Variants in KCNA7 observed in about 807,000 individuals in gnomAD.
The protein encoded by KCNA7 is potassium voltage-gated channel subfamily A member 7, also known as potassium channel, voltage gated shaker related subfamily A, member 7.
In KCNA7, 15 loss-of-function variants were observed where a neutral mutation model predicts 21.5. The ratio of observed to expected loss-of-function variants is 0.70; its 90% CI spans 0.47 to 1.07. The LOEUF (loss-of-function observed/expected upper bound fraction) is 1.07, where lower values mean the gene tolerates loss of function less well. Among genes scored for constraint, KCNA7 ranks in the 50% least tolerant of loss-of-function variants. The pLI is 0.00. For missense variants in KCNA7, 640 were observed against 651.6 expected (o/e 0.98, Z 0.19); for synonymous variants, 298 against 291.0 (o/e 1.02, Z -0.24).
chr19:49,071,543 A>G (rs1311687048), intron 1 of KCNA7, among the ~76,000 whole-genome samples: 1 of 151,114 alleles, frequency 6.6e-6, no homozygotes, highest in African/African-American at 2.4e-5. Context: ...GCGACAGAGC[A>G]AGACTCTGTC....
rs558047571 is a variant in KCNA7 at position 49,070,522 on chromosome 19, C to T, written c.912G>A (p.Thr304=). The T allele has an allele frequency of 3.4e-5, 55 of 1,614,142 alleles. No homozygotes were observed. The highest frequency in any genetic ancestry group is 4.3e-5 in the Non-Finnish European group (51 of 1,180,030). The stretch of plus-strand genomic sequence containing the variant: ...CCAGCTCACGCATGGAGGCCCGAAG[C>T]GTCTGGCCCAAGATTTGCAGGCCCT... ...HSKGLQILGQ[T]LRASMRELGL... The change falls in exon 2 of 2, where the codon ACG becomes ACA. Residue 304 remains threonine (T), a synonymous_variant. Coordinates refer to ENST00000221444, the MANE Select transcript of KCNA7 (RefSeq NM_031886.3). This position sits in a 1 kb window ranked among gnomAD's most constrained non-coding sequence, Gnocchi z 4.3.
At position 49,069,894 on chromosome 19, in the gene KCNA7, C is replaced by G; in HGVS notation, c.*169G>C. On this transcript the variant is annotated 3_prime_UTR_variant, in exon 2 of 2. Coordinates refer to ENST00000221444, the MANE Select transcript of KCNA7 (RefSeq NM_031886.3). ...CTGCTTCAGGAGGTACCCACAGGAGCTACCAAACCACACAACCCAAGACCC... is the reference window on the plus strand; with the variant it reads ...CTGCTTCAGGAGGTACCCACAGGAGGTACCAAACCACACAACCCAAGACCC... The G allele has an allele frequency of 5.0e-6, 3 of 601,554 alleles. No individual in the cohort carries two copies. Among genetic ancestry groups the G allele is most frequent in the Admixed American group, 3.1e-5 (1 of 32,674 alleles). 37.3% of individuals were successfully genotyped at this position (601,554 alleles called of 1,614,324 possible). A position where few individuals can be genotyped will look rare whatever the true frequency, so the allele number is the denominator to read the frequency against.
intron 1 of KCNA7, 40 bp downstream of exon 1, chr19:49,071,991 C>T: frequency 6.6e-7 from 1 of 1,504,804 alleles, no homozygotes; most frequent in Non-Finnish European, 9.0e-7. Context: ...CCCATCTCCT[C>T]CCAAACCCCG....
chr19:49,071,491 C>A (rs1233444156), intron 1 of KCNA7, among the ~76,000 whole-genome samples: 2 of 151,828 alleles, frequency 1.3e-5, no homozygotes, highest in Non-Finnish European at 2.9e-5. Context: ...GGGAGGCAGA[C>A]CTTGCAGTGA....
In KCNA7 at chr19:49,072,051, C is replaced by T. The variant is rs767405906; in HGVS notation, c.535G>A (p.Ala179Thr). Residue 179 changes from alanine to threonine, a missense_variant, in exon 1 of 2, where the codon GCT becomes ACT. Ala to Thr is a moderately conservative substitution (Grantham distance 58). Coordinates refer to ENST00000221444, the MANE Select transcript of KCNA7 (RefSeq NM_031886.3). Reference protein sequence around the residue: ...RDDRDGTGLAAAAAAGPFPAP... With the variant: ...RDDRDGTGLATAAAAGPFPAP... ...CTCACCGGGCCGGCTGCGGCTGCAGCAGCAAGCCCCGTGCCGTCGCGGTCG... is the reference window on the plus strand; with the variant it reads ...CTCACCGGGCCGGCTGCGGCTGCAGTAGCAAGCCCCGTGCCGTCGCGGTCG... The T allele has an allele frequency of 1.9e-6, 3 of 1,605,800 alleles. No individual in the cohort carries two copies. The highest frequency in any genetic ancestry group is 1.1e-5 in the South Asian group (1 of 90,542).
In KCNA7 at chr19:49,070,892, A is replaced by G; in HGVS notation, c.556-14T>C. The G allele has an allele frequency of 1.9e-6, 3 of 1,604,356 alleles. No homozygotes were observed. Among genetic ancestry groups the G allele is most frequent in the East Asian group, 2.2e-5 (1 of 44,780 alleles). ...CGGAGCGGGGAACTGCAGGGAGGAA[A>G]GTGTTCAGGGAGGGTCAGGCTGGGG... On this transcript the variant is annotated splice_polypyrimidine_tract_variant and intron_variant, in intron 1 of 1. Transcript: ENST00000221444. The surrounding 1 kb of genome is among the most constrained non-coding windows in gnomAD (Gnocchi z 4.3).
chr19:49,072,064 G>A lies in KCNA7; in HGVS notation c.522C>T (p.Gly174=). The change falls in exon 1 of 2, where the codon GGC becomes GGT. Residue 174 remains glycine (G), a synonymous_variant. Transcript: ENST00000221444. The part of the protein sequence containing the change: ...TLPDFRDDRD[G]TGLAAAAAAG... ...CTGCGGCTGCAGCAGCAAGCCCCGT[G>A]CCGTCGCGGTCGTCGCGGAAGTCAG... 1 of 1,609,116 alleles carries A rather than the reference G, an allele frequency of 6.2e-7. No individual in the cohort carries two copies. The highest frequency in any genetic ancestry group is 8.5e-7 in the Non-Finnish European group (1 of 1,178,604).
At position 49,070,132 on chromosome 19, in the gene KCNA7, G is replaced by A. The variant is rs145070146; in HGVS notation, c.1302C>T (p.Asp434=). The change falls in exon 2 of 2, where the codon GAC becomes GAT. Residue 434 remains aspartate, a synonymous_variant. Coordinates refer to ENST00000221444, the MANE Select transcript of KCNA7 (RefSeq NM_031886.3). This position sits in a 1 kb window ranked among gnomAD's most constrained non-coding sequence, Gnocchi z 4.3. ...LEGKANGGLV[D]GEVPELPPPL... Reference sequence around the variant, plus strand: ...GAGGTGGTAGCTCAGGTACCTCCCCGTCCACCAGCCCCCCATTGGCCTTGC... The same window carrying A: ...GAGGTGGTAGCTCAGGTACCTCCCCATCCACCAGCCCCCCATTGGCCTTGC... 61 of 1,613,330 alleles carry A rather than the reference G, an allele frequency of 3.8e-5. No individual in the cohort carries two copies. The highest frequency in any genetic ancestry group is 1.6e-4 in the Middle Eastern group (1 of 6,084).
rs1433595013 is a variant in KCNA7 at position 49,072,271 on chromosome 19, G to A, written c.315C>T (p.Arg105=). Residue 105 remains arginine (R), a synonymous_variant, in exon 1 of 2, where the codon CGC becomes CGT. Coordinates refer to ENST00000221444, the MANE Select transcript of KCNA7 (RefSeq NM_031886.3). ...FYGLGAAALA[R]LREDEGCPVP... ...CCGGGCAGCCCTCGTCCTCGCGCAG[G>A]CGTGCCAGGGCCGCCGCGCCCAGCC... 1.3e-6 allele frequency: 2 copies of A among 1,579,744 alleles called. No individual in the cohort carries two copies. The highest frequency in any genetic ancestry group is 3.6e-5 in the Admixed American group (2 of 56,272).
rs775481566 is a variant in KCNA7 at position 49,070,758 on chromosome 19, C to T, written c.676G>A (p.Val226Ile). The T allele has an allele frequency of 6.2e-7, 1 of 1,614,150 alleles. No homozygotes were observed. The highest frequency in any genetic ancestry group is 2.2e-5 in the East Asian group (1 of 44,880). The change falls in exon 2 of 2, where the codon GTA (valine) becomes ATA (isoleucine). Residue 226 changes from valine (V) to isoleucine (I), a missense_variant. By Grantham distance (29) the Val-to-Ile change is conservative (BLOSUM62 3). Transcript: ENST00000221444. This position sits in a 1 kb window ranked among gnomAD's most constrained non-coding sequence, Gnocchi z 4.3. ...TTGCTTGGACAGACCAGGAGGCGTACCAGCAGCTCAAAGGAGAACCAACAA... is the reference window on the plus strand; with the variant it reads ...TTGCTTGGACAGACCAGGAGGCGTATCAGCAGCTCAAAGGAGAACCAACAA... ...CICWFSFELL[V>I]RLLVCPSKAI...
chr19:49,071,563 A>G (rs1218976805), intron 1 of KCNA7, among the ~76,000 whole-genome samples: 1 of 145,602 alleles, frequency 6.9e-6, no homozygotes, highest in Admixed American at 6.9e-5. Context: ...CTCACAGGAA[A>G]TAAAAAAAAA....
rs767086504 is a variant in KCNA7, at chr19:49,072,114, C to T, written c.472G>A (p.Val158Ile). 1 of 1,612,364 alleles carries T rather than the reference C, an allele frequency of 6.2e-7. No homozygotes were observed. Among genetic ancestry groups the T allele is most frequent in the Non-Finnish European group, 8.5e-7 (1 of 1,179,686 alleles). ...GGCAGCGTCTCGAGGCAGAAGACGA[C>T]GATGGAGACGAGGATGACCAGCACG... ...VSVLVILVSIVVFCLETLPDF... is the reference protein window; with the variant it reads ...VSVLVILVSIIVFCLETLPDF... Residue 158 changes from valine (V) to isoleucine (I), a missense_variant, in exon 1 of 2, where the codon GTC becomes ATC. Coordinates refer to ENST00000221444, the MANE Select transcript of KCNA7 (RefSeq NM_031886.3).
rs2122255867 is a variant in KCNA7 at position 49,070,831 on chromosome 19, G to A, written c.603C>T (p.Pro201=). 1 of 1,614,154 alleles carries A rather than the reference G, an allele frequency of 6.2e-7. No individual in the cohort carries two copies. Among genetic ancestry groups the A allele is most frequent in the South Asian group, 1.1e-5 (1 of 91,070 alleles). Residue 201 remains proline, a synonymous_variant, in exon 2 of 2, where the codon CCC becomes CCT. Coordinates refer to ENST00000221444, the MANE Select transcript of KCNA7 (RefSeq NM_031886.3). This position sits in a 1 kb window ranked among gnomAD's most constrained non-coding sequence, Gnocchi z 4.3. ...AGAACGGGTCATTGAAGGGCAGGCG[G>A]GGTGGATTTCCAGGCATTTGGCTGG... is the stretch of plus-strand genomic sequence containing the variant. ...NGSSQMPGNP[P]RLPFNDPFFV...
In KCNA7 at chr19:49,070,712, A is replaced by C; in HGVS notation, c.722T>G (p.Val241Gly). Residue 241 changes from valine to glycine, a missense_variant, in exon 2 of 2, where the codon GTG becomes GGG. By Grantham distance (109) the Val-to-Gly change is moderately radical. Transcript: ENST00000221444. The surrounding 1 kb of genome is among the most constrained non-coding windows in gnomAD (Gnocchi z 4.3). Reference sequence around the variant, plus strand: ...AGCCACAAAATCGATGAGGTTCATCACGTTCTTGAAGAAGATAGCCTTGCT... The same window carrying C: ...AGCCACAAAATCGATGAGGTTCATCCCGTTCTTGAAGAAGATAGCCTTGCT... The part of the protein sequence containing the change: ...CPSKAIFFKN[V>G]MNLIDFVAIL... 1 of 1,614,224 alleles carries C rather than the reference A, an allele frequency of 6.2e-7. No homozygotes were observed. Among genetic ancestry groups the C allele is most frequent in the Non-Finnish European group, 8.5e-7 (1 of 1,180,048 alleles).
rs1016675685 is a variant in KCNA7 at position 49,072,226 on chromosome 19, C to G, written c.360G>C (p.Leu120=). Residue 120 remains leucine (L), a synonymous_variant, in exon 1 of 2, where the codon CTG becomes CTC. Coordinates refer to ENST00000221444, the MANE Select transcript of KCNA7 (RefSeq NM_031886.3). The part of the protein sequence containing the change: ...EGCPVPPERP[L]PRRAFARQLW... ...GCTGGCGGGCGAAGGCGCGGCGGGG[C>G]AGGGGGCGCTCGGGCGGCACCGGGC... 2 of 1,601,632 alleles carry G rather than the reference C, an allele frequency of 1.2e-6. No individual in the cohort carries two copies. Among genetic ancestry groups the G allele is most frequent in the South Asian group, 2.2e-5 (2 of 89,992 alleles).
In KCNA7 at chr19:49,072,686, C is replaced by T. The variant is rs1454403751; in HGVS notation, c.-101G>A. ...CGCCTCGGCCGCCGCCGCCGCCGCC[C>T]CAGCCCGGTGTCCGGTGTCCGGTGT... On this transcript the variant is annotated 5_prime_UTR_variant, in exon 1 of 2. Coordinates refer to ENST00000221444, the MANE Select transcript of KCNA7 (RefSeq NM_031886.3). 1 of 837,290 alleles carries T rather than the reference C, an allele frequency of 1.2e-6. No homozygotes were observed. The highest frequency in any genetic ancestry group is 1.4e-6 in the Non-Finnish European group (1 of 697,968). 51.9% of individuals were successfully genotyped at this position (837,290 alleles called of 1,614,324 possible). A position where few individuals can be genotyped will look rare whatever the true frequency, so the allele number is the denominator to read the frequency against.
rs1232371843 is a variant in KCNA7, at chr19:49,072,164, G to T, written c.422C>A (p.Ala141Asp). Residue 141 changes from alanine (A) to aspartate (D), a missense_variant, in exon 1 of 2, where the codon GCC becomes GAC. Coordinates refer to ENST00000221444, the MANE Select transcript of KCNA7 (RefSeq NM_031886.3). ...LLFEFPESSQ[A>D]ARVLAVVSVL... The stretch of plus-strand genomic sequence containing the variant: ...GGAGACTACGGCGAGCACGCGCGCG[G>T]CCTGAGAGCTCTCGGGAAACTCGAA... 1.9e-6 allele frequency: 3 copies of T among 1,612,120 alleles called. No homozygotes were observed. Among genetic ancestry groups the T allele is most frequent in the South Asian group, 1.1e-5 (1 of 91,080 alleles).
rs534650525 is a variant in KCNA7 at position 49,072,049 on chromosome 19, A to G, written c.537T>C (p.Ala179=). ...RDDRDGTGLA[A]AAAAGPFPAP... The stretch of plus-strand genomic sequence containing the variant: ...CTCTCACCGGGCCGGCTGCGGCTGC[A>G]GCAGCAAGCCCCGTGCCGTCGCGGT... The change falls in exon 1 of 2, where the codon GCT becomes GCC. Residue 179 remains alanine, a synonymous_variant. Transcript: ENST00000221444. 3 of 1,605,552 alleles carry G rather than the reference A, an allele frequency of 1.9e-6. No individual in the cohort carries two copies. Among genetic ancestry groups the G allele is most frequent in the Non-Finnish European group, 1.7e-6 (2 of 1,177,164 alleles).
rs371776324 is a variant in KCNA7 at position 49,070,420 on chromosome 19, C to T, written c.1014G>A (p.Val338=). Residue 338 remains valine, a synonymous_variant, in exon 2 of 2, where the codon GTG becomes GTA. Coordinates refer to ENST00000221444, the MANE Select transcript of KCNA7 (RefSeq NM_031886.3). This position sits in a 1 kb window ranked among gnomAD's most constrained non-coding sequence, Gnocchi z 4.3. ...CAGGGATGCTAGTGAAATGGGAGTCCACCCGGTCAACTTCGGCAAAGTAGA... is the reference window on the plus strand; with the variant it reads ...CAGGGATGCTAGTGAAATGGGAGTCTACCCGGTCAACTTCGGCAAAGTAGA... The part of the protein sequence containing the change: ...SAVYFAEVDR[V]DSHFTSIPES... 3.1e-6 allele frequency: 5 copies of T among 1,614,002 alleles called. No individual in the cohort carries two copies. In the African/African-American group the frequency reaches 6.7e-5, roughly 22 times the overall value.
Sources: allele counts gnomAD v4.1 joint callset (sites outside exome capture counted in the v4.1 genomes callset), GRCh38; gene constraint gnomAD v4.1.1; non-coding constraint Gnocchi (gnomAD v3.1); transcripts MANE v1.5; gene names NCBI Gene and HGNC (gene_info 2026-07-23, HGNC 2026-07-21).